The following OR10J1 variants were observed in gnomAD, a reference collection of about 807,000 sequenced individuals.
OR10J1 encodes the protein olfactory receptor family 10 subfamily J member 1.
For synonymous variants in OR10J1, 202 were observed against 143.8 expected (o/e 1.40, Z -2.89); for missense variants, 474 against 376.6 (o/e 1.26, Z -2.14).
At chr1:159,404,477 G>A in the OR10J1 span, among the ~76,000 whole-genome samples, 2 of 152,080 alleles carry the variant, frequency 1.3e-5, no homozygotes, top group Non-Finnish European at 2.9e-5. Context: ...AATGATACAG[G>A]AGTATCATTT....
the OR10J1 span, among the ~76,000 whole-genome samples, chr1:159,401,734 A>C: frequency 6.6e-6 from 1 of 152,112 alleles, no homozygotes; most frequent in Non-Finnish European, 1.5e-5. Context: ...GAATACGTCA[A>C]ACTCATTCTA....
chr1:159,427,679 A>T, the OR10J1 span, among the ~76,000 whole-genome samples: 1 of 152,116 alleles, frequency 6.6e-6, no homozygotes, highest in African/African-American at 2.4e-5. Context: ...CAAAGACACA[A>T]AAAACAACAT....
upstream of OR10J1, among the ~76,000 whole-genome samples, chr1:159,435,595 G>A (rs4656234): frequency 0.029 from 4,422 of 152,260 alleles, 90 homozygotes; most frequent in Non-Finnish European, 0.042. Context: ...AGCTCTAGGT[G>A]ACAGAAATAG....
the OR10J1 span, among the ~76,000 whole-genome samples, chr1:159,410,154 A>G: frequency 6.6e-6 from 1 of 152,074 alleles, no homozygotes; most frequent in South Asian, 2.1e-4. Context: ...TTGGTCTAAA[A>G]TTCTCTTTTT....
At chr1:159,437,344 A>G (rs1371064941), upstream of OR10J1, among the ~76,000 whole-genome samples, 1 of 152,176 alleles carries the variant, frequency 6.6e-6, no homozygotes, top group Non-Finnish European at 1.5e-5. Flanking sequence ...TTCTTTTCCA[A>G]AAAGAAAACC....
chr1:159,403,164 A>C, the OR10J1 span, among the ~76,000 whole-genome samples: 1 of 152,172 alleles, frequency 6.6e-6, no homozygotes, highest in Admixed American at 6.6e-5. Flanking sequence ...CTGCTACAAG[A>C]AAACATTGGG....
the OR10J1 span, among the ~76,000 whole-genome samples, chr1:159,404,650 G>C: frequency 3.3e-5 from 5 of 152,084 alleles, no homozygotes; most frequent in South Asian, 1.0e-3. Flanking sequence ...ATCCAATGAA[G>C]ACCATGATTT....
At chr1:159,408,164 G>A in the OR10J1 span, among the ~76,000 whole-genome samples, 63 of 152,104 alleles carry the variant, frequency 4.1e-4, no homozygotes, top group African/African-American at 1.4e-3. Flanking sequence ...GTAGCTCAGT[G>A]GTTACATATG....
At chr1:159,405,745 T>A in the OR10J1 span, 2 of 999,948 alleles carry the variant, frequency 2.0e-6, no homozygotes, top group Non-Finnish European at 3.1e-6. Flanking sequence ...CAGGGCAATA[T>A]GTAGGACAAG....
At chr1:159,423,141 G>A in the OR10J1 span, among the ~76,000 whole-genome samples, 1 of 151,942 alleles carries the variant, frequency 6.6e-6, no homozygotes, top group Non-Finnish European at 1.5e-5. Context: ...ACAACAGATG[G>A]TTCATGTAGC....
rs1246681279 is a variant in OR10J1, at chr1:159,439,961, C to T, written c.170C>T (p.Thr57Ile). 2 of 1,614,134 alleles carry T rather than the reference C, an allele frequency of 1.2e-6. No individual in the cohort carries two copies. Among genetic ancestry groups the T allele is most frequent in the East Asian group, 2.2e-5 (1 of 44,884 alleles). ...ATCCGAATGGATCTTCATCTTCACACACCCATGTACTTCTTCCTGAGCATG... is the reference window on the plus strand; with the variant it reads ...ATCCGAATGGATCTTCATCTTCACATACCCATGTACTTCTTCCTGAGCATG... ...TIIRMDLHLHTPMYFFLSMLS... is the reference protein window; with the variant it reads ...TIIRMDLHLHIPMYFFLSMLS... The change falls in exon 1 of 1, where the codon ACA becomes ATA. Residue 57 changes from threonine (T) to isoleucine (I), a missense_variant. Coordinates refer to ENST00000423932, the MANE Select transcript of OR10J1 (RefSeq NM_012351.3).
chr1:159,426,034 T>G, the OR10J1 span, among the ~76,000 whole-genome samples: 1 of 151,908 alleles, frequency 6.6e-6, no homozygotes, highest in Non-Finnish European at 1.5e-5. Context: ...AAATTAAGGA[T>G]GAATGCTGGA....
the OR10J1 span, among the ~76,000 whole-genome samples, chr1:159,412,024 G>A: frequency 1.9e-3 from 284 of 152,126 alleles, no homozygotes; most frequent in African/African-American, 6.7e-3. Context: ...AAAATCACAA[G>A]CATTCTTATA....
the OR10J1 span, among the ~76,000 whole-genome samples, chr1:159,410,985 C>T: frequency 6.6e-6 from 1 of 152,146 alleles, no homozygotes; most frequent in African/African-American, 2.4e-5. Context: ...GCAGGTTCTT[C>T]AGTTCCCATG....
At chr1:159,410,381 T>C in the OR10J1 span, among the ~76,000 whole-genome samples, 1 of 152,198 alleles carries the variant, frequency 6.6e-6, no homozygotes, top group East Asian at 1.9e-4. Context: ...TCAGAGCCTG[T>C]AATTGGTCTA....
At chr1:159,418,886 C>T in the OR10J1 span, among the ~76,000 whole-genome samples, 1 of 152,170 alleles carries the variant, frequency 6.6e-6, no homozygotes, top group African/African-American at 2.4e-5. Context: ...ATCAGTGTGA[C>T]CTGGATGTGA....
the OR10J1 span, chr1:159,406,305 C>T: frequency 3.9e-6 from 2 of 509,300 alleles, no homozygotes; most frequent in South Asian, 1.5e-5. Context: ...TGTGCTGTCA[C>T]CTGAAGCTGG....
chr1:159,423,925 G>T, the OR10J1 span, among the ~76,000 whole-genome samples: 1 of 152,094 alleles, frequency 6.6e-6, no homozygotes, highest in Non-Finnish European at 1.5e-5. Flanking sequence ...GGACAGCCAA[G>T]GTGGTTTCTA....
the OR10J1 span, among the ~76,000 whole-genome samples, chr1:159,408,932 G>A: frequency 6.6e-6 from 1 of 152,060 alleles, no homozygotes; most frequent in African/African-American, 2.4e-5. Flanking sequence ...AAGAGGCTGA[G>A]TCCTTGGGAA....
Sources: allele counts gnomAD v4.1 joint callset (sites outside exome capture counted in the v4.1 genomes callset), GRCh38; gene constraint gnomAD v4.1.1; transcripts MANE v1.5; gene names NCBI Gene and HGNC (gene_info 2026-07-23, HGNC 2026-07-21).